PCDHGA4: variants seen among roughly 807,000 people sequenced by gnomAD.
PCDHGA4 encodes protocadherin gamma-A4.
A neutral mutation model predicts 54.6 loss-of-function variants in PCDHGA4; 38 were observed. The observed-to-expected ratio is 0.70, with a 90% CI of 0.54 to 0.91. PCDHGA4 has a LOEUF of 0.91. Among genes scored for constraint, PCDHGA4 ranks in the 40% least tolerant of loss-of-function variants. PCDHGA4 has a pLI of 0.00. For missense variants in PCDHGA4, 1,298 were observed against 1,220.9 expected, an observed-to-expected ratio of 1.06 and a Z score of -0.94; for synonymous variants, 511 against 512.9, an observed-to-expected ratio of 1.00 and a Z score of 0.05.
At chr5:141,503,916 C>T (rs1372491893) in intron 2 of PCDHGA4, among the ~76,000 whole-genome samples, 1 of 152,246 alleles carries the variant, frequency 6.6e-6, no homozygotes, top group African/African-American at 2.4e-5. Context: ...CAACGCAACA[C>T]ACACACAGAC....
chr5:141,387,132 C>T lies in PCDHGA4; in HGVS notation c.2514+29511C>T, dbSNP rs180939160. Among the ~76,000 whole-genome samples, 392 of 152,234 alleles carry T rather than the reference C, an allele frequency of 2.6e-3. 2 individuals carry two copies. The highest frequency in any genetic ancestry group is 9.3e-3 in the African/African-American group (386 of 41,528). ...TATTCCTGTAATGAAATCACTGAAA[C>T]TATTGGGAAGGGGGTGTATTTGAAG... On this transcript the variant is annotated intron_variant, in intron 1 of 3. Coordinates refer to ENST00000571252, the MANE Select transcript of PCDHGA4 (RefSeq NM_018917.4).
chr5:141,477,775 G>T lies in PCDHGA4; in HGVS notation c.2515-17032G>T. 2 of 1,614,046 alleles carry T rather than the reference G, an allele frequency of 1.2e-6. No individual in the cohort carries two copies. The highest frequency in any genetic ancestry group is 2.7e-5 in the African/African-American group (2 of 75,052). On this transcript the variant is annotated intron_variant, in intron 1 of 3. Transcript: ENST00000571252. The surrounding 1 kb of genome is among the most constrained non-coding windows in gnomAD (Gnocchi z 4.9). ...CGGTCCTAGCCACCAACATCAGCGT[G>T]AACATATTTGTCACTGATCGCAATG...
At chr5:141,409,212 T>C (rs751644523) in intron 1 of PCDHGA4, 1 of 1,613,924 alleles carries the variant, frequency 6.2e-7, no homozygotes, top group Non-Finnish European at 8.5e-7. Context: ...ATCATAGAAA[T>C]CCTTGATGAA....
rs1412247634 is a variant in PCDHGA4, at chr5:141,391,586, A to AAT, written c.2514+33969_2514+33970dup. 2.0e-5 allele frequency: 3 copies of AAT among 152,352 alleles called. No homozygotes were observed. In the South Asian group the frequency reaches 6.2e-4, roughly 32 times the overall value. The allele number at this position is 152,352 out of a possible 1,614,324, so 9.4% of individuals were successfully genotyped here. ...GCATAAGAAAATATATTCACAGGAA[A>AAT]ATATAAAGTTTTCAGATTTCATGAG... On this transcript the variant is annotated intron_variant, in intron 1 of 3. Coordinates refer to ENST00000571252, the MANE Select transcript of PCDHGA4 (RefSeq NM_018917.4).
At chr5:141,365,272 C>A in intron 1 of PCDHGA4, 1 of 1,613,984 alleles carries the variant, frequency 6.2e-7, no homozygotes, top group Non-Finnish European at 8.5e-7. Context: ...AATCCAGATT[C>A]TACCTCATGG....
intron 1 of PCDHGA4, chr5:141,364,663 G>A: frequency 6.2e-7 from 1 of 1,614,042 alleles, no homozygotes; most frequent in Non-Finnish European, 8.5e-7. Flanking sequence ...TCTTGGTTGA[G>A]AACAAAATGA....
At chr5:141,392,770 T>G in intron 1 of PCDHGA4, 1 of 1,511,750 alleles carries the variant, frequency 6.6e-7, no homozygotes, top group South Asian at 1.3e-5. Flanking sequence ...AAGACCCATT[T>G]ATGCACAGTG....
chr5:141,479,752 T>C (rs770200359), intron 1 of PCDHGA4: 4 of 152,236 alleles, frequency 2.6e-5, no homozygotes, highest in Non-Finnish European at 4.4e-5. Context: ...ATGTGAAAGG[T>C]AGATAAATTC....
chr5:141,485,666 A>G lies in PCDHGA4; in HGVS notation c.2515-9141A>G. ...GGCTCAGGATGCAGATGTGGGGAGC[A>G]ATTCGATTAGCAGCTATAGGCTGAG... On this transcript the variant is annotated intron_variant, in intron 1 of 3. Coordinates refer to ENST00000571252, the MANE Select transcript of PCDHGA4 (RefSeq NM_018917.4). The surrounding 1 kb of genome is among the most constrained non-coding windows in gnomAD (Gnocchi z 5.7). 1 of 1,612,786 alleles carries G rather than the reference A, an allele frequency of 6.2e-7. No homozygotes were observed. Among genetic ancestry groups the G allele is most frequent in the Non-Finnish European group, 8.5e-7 (1 of 1,178,960 alleles).
chr5:141,431,719 A>G lies in PCDHGA4; in HGVS notation c.2515-63088A>G. On this transcript the variant is annotated intron_variant, in intron 1 of 3. Transcript: ENST00000571252. This position sits in a 1 kb window ranked among gnomAD's most constrained non-coding sequence, Gnocchi z 4.8. ...CAGGATTCTACCAGATGGAAGTGCA[A>G]GCAATGGATAATGCAGGATATTCTG... 6.2e-7 allele frequency: 1 copy of G among 1,614,244 alleles called. No individual in the cohort carries two copies. Among genetic ancestry groups the G allele is most frequent in the Non-Finnish European group, 8.5e-7 (1 of 1,180,050 alleles).
intron 1 of PCDHGA4, chr5:141,370,906 A>C (rs918888643): frequency 9.3e-6 from 15 of 1,613,840 alleles, no homozygotes; most frequent in Non-Finnish European, 1.3e-5. Context: ...CAGCAGTACT[A>C]CCTCAGCCCT....
intron 1 of PCDHGA4, chr5:141,388,813 T>G: frequency 6.2e-7 from 1 of 1,613,884 alleles, no homozygotes; most frequent in Non-Finnish European, 8.5e-7. Flanking sequence ...TTTGAAGAAG[T>G]CAAAGAATAT....
At chr5:141,414,009 T>C in intron 1 of PCDHGA4, 1 of 1,612,964 alleles carries the variant, frequency 6.2e-7, no homozygotes, top group Middle Eastern at 1.7e-4. Context: ...AAGGTGCCAA[T>C]GGAGAAGTGA....
intron 1 of PCDHGA4, chr5:141,422,865 C>G: frequency 1.2e-6 from 2 of 1,614,244 alleles, no homozygotes; most frequent in Non-Finnish European, 1.7e-6. Context: ...TCAGCAGCAA[C>G]GTGTCGCTGA....
intron 1 of PCDHGA4, chr5:141,383,374 G>A (rs911594122): frequency 6.2e-7 from 1 of 1,614,028 alleles, no homozygotes; most frequent in Non-Finnish European, 8.5e-7. Flanking sequence ...CGAGGCTGGG[G>A]ATCCAGATGT....
In PCDHGA4 at chr5:141,489,744, C is replaced by T. The variant is rs185263705; in HGVS notation, c.2515-5063C>T. The T allele has an allele frequency of 1.1e-5, 18 of 1,614,144 alleles. No homozygotes were observed. In the Admixed American group the frequency reaches 2.8e-4, roughly 25 times the overall value. Reference sequence around the variant, plus strand: ...CGGATGTGGGCACCAATACTGTGAGCTTTTACACTCTAAGCCCCAACAGCC... The same window carrying T: ...CGGATGTGGGCACCAATACTGTGAGTTTTTACACTCTAAGCCCCAACAGCC... On this transcript the variant is annotated intron_variant, in intron 1 of 3. Transcript: ENST00000571252. This position sits in a 1 kb window ranked among gnomAD's most constrained non-coding sequence, Gnocchi z 4.5.
intron 3 of PCDHGA4, among the ~76,000 whole-genome samples, chr5:141,508,943 CAG>C (rs1562237475): frequency 1.3e-5 from 2 of 151,982 alleles, no homozygotes; most frequent in Admixed American, 6.6e-5. Context: ...TTAGGGAAAA[CAG>C]AGAAATGTCA....
chr5:141,443,708 T>G (rs2098400247), intron 1 of PCDHGA4, among the ~76,000 whole-genome samples: 1 of 152,192 alleles, frequency 6.6e-6, no homozygotes, highest in Non-Finnish European at 1.5e-5. Context: ...GAATAACATT[T>G]GCATATAAAA....
At chr5:141,504,671 G>C (rs1459848730) in intron 2 of PCDHGA4, among the ~76,000 whole-genome samples, 1 of 111,068 alleles carries the variant, frequency 9.0e-6, no homozygotes, top group East Asian at 3.2e-4. Context: ...GGGGGGTGGG[G>C]GTTCTTGTAA....
Sources: gnomAD v4.1 joint callset for allele counts (sites outside exome capture counted in the v4.1 genomes callset) on GRCh38, gnomAD v4.1.1 for gene constraint, Gnocchi (gnomAD v3.1) non-coding constraint, MANE v1.5 for transcripts, NCBI Gene and HGNC (gene_info 2026-07-23, HGNC 2026-07-21) for gene names.